BIVM: variants seen among roughly 807,000 people sequenced by gnomAD.
BIVM encodes basic immunoglobulin-like variable motif-containing protein.
A neutral mutation model predicts 61.4 loss-of-function variants in BIVM; 31 were observed. The ratio of observed to expected loss-of-function variants is 0.51; its 90% CI spans 0.38 to 0.68. BIVM has a LOEUF of 0.68. Ranked by LOEUF, BIVM falls within the 30% of genes least tolerant of loss-of-function variation. The pLI is 0.00. For missense variants in BIVM, 526 were observed against 596.0 expected (o/e 0.88, Z 1.22); for synonymous variants, 189 against 210.7 (o/e 0.90, Z 0.89).
intron 7 of BIVM, among the ~76,000 whole-genome samples, chr13:102,826,350 T>C (rs1880669989): frequency 6.6e-6 from 1 of 152,202 alleles, no homozygotes; most frequent in South Asian, 2.1e-4. Context: ...AGTCTCTCAG[T>C]TGACAGTTTT....
chr13:102,813,575 A>T (rs1304862912), intron 3 of BIVM, among the ~76,000 whole-genome samples: 1 of 152,160 alleles, frequency 6.6e-6, no homozygotes, highest in African/African-American at 2.4e-5. Context: ...CTAATCTCAC[A>T]GTAGGCCTTA....
intron 1 of BIVM, among the ~76,000 whole-genome samples, chr13:102,801,966 G>A (rs545482378): frequency 5.3e-5 from 8 of 152,292 alleles, no homozygotes; most frequent in South Asian, 2.1e-4. Flanking sequence ...TGGAGCTTGG[G>A]GGGTGGGGGA....
chr13:102,822,226 C>T (rs112997418), intron 7 of BIVM, 67 bp downstream of exon 7: 24 of 1,463,300 alleles, frequency 1.6e-5, no homozygotes, highest in African/African-American at 8.4e-5. Context: ...TACACACACA[C>T]GGTTTAGAGT....
At chr13:102,814,411 C>T (rs1240400215) in intron 3 of BIVM, among the ~76,000 whole-genome samples, 2 of 152,004 alleles carry the variant, frequency 1.3e-5, no homozygotes, top group African/African-American at 4.8e-5. Context: ...AGGGGCAATC[C>T]GAGATTCAAC....
At chr13:102,824,468 C>T (rs1440022000) in intron 7 of BIVM, among the ~76,000 whole-genome samples, 1 of 152,162 alleles carries the variant, frequency 6.6e-6, no homozygotes, top group East Asian at 1.9e-4. Context: ...TGTATAACCA[C>T]CTGGATGTGT....
At chr13:102,806,469 C>G (rs188368987) in intron 2 of BIVM, among the ~76,000 whole-genome samples, 1 of 152,006 alleles carries the variant, frequency 6.6e-6, no homozygotes, top group Non-Finnish European at 1.5e-5. Flanking sequence ...AGGCTGGTCT[C>G]GAACTCCTGA....
intron 3 of BIVM, among the ~76,000 whole-genome samples, chr13:102,811,391 A>C (rs1879485154): frequency 6.6e-6 from 1 of 152,210 alleles, no homozygotes; most frequent in Non-Finnish European, 1.5e-5. Context: ...AGCACTTTGA[A>C]TATATCAGCC....
rs1287443790 is a variant in BIVM at position 102,816,484 on chromosome 13, C to G, written c.535C>G (p.Gln179Glu). Reference protein sequence around the residue: ...RKTSDKKGRYQKECPQHSPLE... With the variant: ...RKTSDKKGRYEKECPQHSPLE... ...AACTTCAGATAAAAAGGGAAGATAT[C>G]AGAAGGAATGTCCTCAGCATTCTCC... Residue 179 changes from glutamine to glutamate, a missense_variant, in exon 4 of 11, where the codon CAG (glutamine) becomes GAG (glutamate). Coordinates refer to ENST00000257336, the MANE Select transcript of BIVM (RefSeq NM_017693.4). 1.3e-6 allele frequency: 2 copies of G among 1,593,860 alleles called. No individual in the cohort carries two copies. The highest frequency in any genetic ancestry group is 2.7e-5 in the African/African-American group (2 of 73,656).
At position 102,807,332 on chromosome 13, in the gene BIVM, G is replaced by GA; in HGVS notation, c.68dup (p.Ser24ValfsTer3). The GA allele has an allele frequency of 6.2e-7, 1 of 1,614,156 alleles. No homozygotes were observed. The highest frequency in any genetic ancestry group is 8.5e-7 in the Non-Finnish European group (1 of 1,179,990). On this transcript the variant is annotated frameshift_variant, in exon 3 of 11. Transcript: ENST00000257336. LOFTEE classifies it high-confidence loss of function. This position sits in a 1 kb window ranked among gnomAD's most constrained non-coding sequence, Gnocchi z 4.0. ...GGAAATGGTGAGCACAAATCTGAGA[G>GA]AAAGTCACCTGAAGAGAATCTACAA... is the stretch of plus-strand genomic sequence containing the variant.
In BIVM at chr13:102,831,995, A is replaced by ACG. The variant is rs398117840; in HGVS notation, c.1034+298_1034+299insCG. Among the ~76,000 whole-genome samples the ACG allele has an allele frequency of 2.0e-5, 3 of 151,434 alleles. No homozygotes were observed. In the South Asian group the frequency reaches 6.3e-4, roughly 32 times the overall value. On this transcript the variant is annotated intron_variant, in intron 8 of 10. Coordinates refer to ENST00000257336, the MANE Select transcript of BIVM (RefSeq NM_017693.4). ...GGGAGGCAGAACTTGCAAAAAAAAA[A>ACG]TTAAAAAAATTAAAAAATATTCAAA...
intron 7 of BIVM, among the ~76,000 whole-genome samples, chr13:102,829,338 C>T (rs1195274830): frequency 3.9e-5 from 6 of 152,086 alleles, no homozygotes; most frequent in Non-Finnish European, 7.3e-5. Flanking sequence ...CCAGTGGATT[C>T]CTGTAGTTTT....
At chr13:102,818,689 A>C (rs1880040295) in intron 4 of BIVM, among the ~76,000 whole-genome samples, 1 of 152,256 alleles carries the variant, frequency 6.6e-6, no homozygotes, top group South Asian at 2.1e-4. Flanking sequence ...CCTGTTTTCC[A>C]CTGAGAATAT....
intron 3 of BIVM, among the ~76,000 whole-genome samples, chr13:102,815,232 T>G (rs1411325831): frequency 6.6e-6 from 1 of 152,178 alleles, no homozygotes; most frequent in East Asian, 1.9e-4. Context: ...GGAATAAAAC[T>G]GATCTCTTTC....
At chr13:102,822,792 T>TA (rs1290472739) in intron 7 of BIVM, among the ~76,000 whole-genome samples, 5 of 152,236 alleles carry the variant, frequency 3.3e-5, no homozygotes, top group African/African-American at 4.8e-5. Flanking sequence ...AATACATTGT[T>TA]AAAGAAAAAA....
intron 5 of BIVM, 79 bp downstream of exon 5, chr13:102,821,211 A>C (rs1342047254): frequency 1.6e-6 from 2 of 1,258,846 alleles, no homozygotes; most frequent in Middle Eastern, 2.7e-4. Flanking sequence ...AAAAAATTTA[A>C]GAATAGATTT....
intron 3 of BIVM, among the ~76,000 whole-genome samples, chr13:102,814,398 C>G (rs1038880397): frequency 1.3e-5 from 2 of 152,012 alleles, no homozygotes; most frequent in Non-Finnish European, 2.9e-5. Flanking sequence ...GCTAATTGAT[C>G]CCAGGGGCAA....
At chr13:102,838,555 T>C in intron 9 of BIVM, 88 bp from the exon 10 acceptor site, 1 of 1,075,772 alleles carries the variant, frequency 9.3e-7, no homozygotes, top group Non-Finnish European at 1.3e-6. Context: ...TGTGATAATA[T>C]TGCAGCAACT....
intron 3 of BIVM, among the ~76,000 whole-genome samples, chr13:102,810,713 TATA>T (rs1163500421): frequency 1.3e-5 from 2 of 152,222 alleles, no homozygotes; most frequent in Non-Finnish European, 2.9e-5. Flanking sequence ...CCAAAGTTAT[TATA>T]ATAATAGCTT....
At chr13:102,809,429 G>A (rs2139157003) in intron 3 of BIVM, among the ~76,000 whole-genome samples, 1 of 152,290 alleles carries the variant, frequency 6.6e-6, no homozygotes, top group South Asian at 2.1e-4. Flanking sequence ...GTCTATCTTG[G>A]TGAATGTGCC....
Sources: allele counts gnomAD v4.1 joint callset (sites outside exome capture counted in the v4.1 genomes callset), GRCh38; gene constraint gnomAD v4.1.1; non-coding constraint Gnocchi (gnomAD v3.1); transcripts MANE v1.5; gene names NCBI Gene and HGNC (gene_info 2026-07-23, HGNC 2026-07-21).